Variants in WSCD2 observed in about 807,000 individuals in gnomAD.
The protein encoded by WSCD2 is sialate:O-sulfotransferase 2.
In WSCD2, 28 loss-of-function variants were observed where a neutral mutation model predicts 55.7. The ratio of observed to expected loss-of-function variants is 0.50; its 90% CI spans 0.37 to 0.69. The LOEUF (loss-of-function observed/expected upper bound fraction) is 0.69. WSCD2 is among the 30% of genes least tolerant of loss of function. The pLI is 0.00. For synonymous variants in WSCD2, 301 were observed against 301.9 expected, an observed-to-expected ratio of 1.00 and a Z score of 0.03; for missense variants, 616 against 762.1, an observed-to-expected ratio of 0.81 and a Z score of 2.26.
At chr12:108,136,701 C>T (rs1876261282) in intron 1 of WSCD2, among the ~76,000 whole-genome samples, 1 of 152,134 alleles carries the variant, frequency 6.6e-6, no homozygotes, top group Non-Finnish European at 1.5e-5. Flanking sequence ...TGGCAGAGCC[C>T]ACGTCTCTCT....
chr12:108,220,874 ATCAT>A (rs1887437354), intron 4 of WSCD2, among the ~76,000 whole-genome samples: 1 of 152,134 alleles, frequency 6.6e-6, no homozygotes, highest in South Asian at 2.1e-4. Flanking sequence ...TCATAATAGT[ATCAT>A]TATTATTGGA....
chr12:108,213,873 T>A (rs1209883034), intron 4 of WSCD2, among the ~76,000 whole-genome samples: 4 of 152,160 alleles, frequency 2.6e-5, no homozygotes, highest in Non-Finnish European at 4.4e-5. Flanking sequence ...ATCTCTCTTT[T>A]AGGGGAGCTC....
intron 4 of WSCD2, among the ~76,000 whole-genome samples, chr12:108,212,081 G>C (rs1326703797): frequency 6.6e-6 from 1 of 152,124 alleles, no homozygotes; most frequent in Non-Finnish European, 1.5e-5. Context: ...CCTCCCCATA[G>C]TCACATCAGT....
chr12:108,166,761 T>TTTTCTTTCTTTC (rs1555225180), intron 1 of WSCD2, among the ~76,000 whole-genome samples: 1 of 124,820 alleles, frequency 8.0e-6, no homozygotes, highest in Admixed American at 8.8e-5. Context: ...TCTTTCTTTC[T>TTTTCTTTCTTTC]TTTCTTTCTT....
At chr12:108,155,349 T>C (rs1007600976) in intron 1 of WSCD2, among the ~76,000 whole-genome samples, 1 of 152,184 alleles carries the variant, frequency 6.6e-6, no homozygotes, top group Non-Finnish European at 1.5e-5. Flanking sequence ...GCTAGTACCA[T>C]ATGCATACAC....
chr12:108,230,561 C>T (rs1235857580), intron 6 of WSCD2, among the ~76,000 whole-genome samples: 1 of 152,104 alleles, frequency 6.6e-6, no homozygotes. Context: ...TCATTTTTTT[C>T]CTATGTCACC....
In WSCD2 at chr12:108,195,673, C is replaced by T; in HGVS notation, c.-160C>T. 2.0e-6 allele frequency: 2 copies of T among 1,003,184 alleles called. No homozygotes were observed. Among genetic ancestry groups the T allele is most frequent in the Non-Finnish European group, 2.8e-6 (2 of 704,076 alleles). 62.1% of individuals were successfully genotyped at this position (1,003,184 alleles called of 1,614,324 possible). ...TGGCCTCAGCCAAGCATTGAACTTG[C>T]CCTCCCCTTCTGGCCTTGGTGATCA... On this transcript the variant is annotated 5_prime_UTR_variant, in exon 2 of 9. Transcript: ENST00000547525.
chr12:108,239,100 G>A lies in WSCD2; in HGVS notation c.1145-1244G>A, dbSNP rs374412075. ...CTTAAATCCTCTTAAGGGTTCTCCAGTCTTTCTGGTCTAGTGCTGGCCTCT... is the reference window on the plus strand; with the variant it reads ...CTTAAATCCTCTTAAGGGTTCTCCAATCTTTCTGGTCTAGTGCTGGCCTCT... On this transcript the variant is annotated intron_variant, in intron 7 of 8. Coordinates refer to ENST00000547525, the MANE Select transcript of WSCD2 (RefSeq NM_014653.4). Among the ~76,000 whole-genome samples, 5 of 152,238 alleles carry A rather than the reference G, an allele frequency of 3.3e-5. No individual in the cohort carries two copies. In the East Asian group the frequency reaches 7.7e-4, roughly 23 times the overall value.
chr12:108,133,586 C>T (rs902646380), intron 1 of WSCD2, among the ~76,000 whole-genome samples: 2 of 152,198 alleles, frequency 1.3e-5, no homozygotes, highest in Non-Finnish European at 2.9e-5. Flanking sequence ...TAAGATCACT[C>T]TTCTCCCTGC....
chr12:108,154,038 G>A (rs1011413452), intron 1 of WSCD2, among the ~76,000 whole-genome samples: 1 of 152,180 alleles, frequency 6.6e-6, no homozygotes, highest in African/African-American at 2.4e-5. Flanking sequence ...TTAAGTTGAA[G>A]GTATTTCTGT....
At chr12:108,243,085 G>A (rs1054938055) in intron 8 of WSCD2, among the ~76,000 whole-genome samples, 11 of 152,194 alleles carry the variant, frequency 7.2e-5, no homozygotes, top group Non-Finnish European at 1.5e-4. Flanking sequence ...TCACCATCTG[G>A]CCCCTGGAGA....
Position 108,248,215 on chromosome 12 carries a change from C to T in WSCD2, c.1570C>T (p.Arg524Trp), listed in dbSNP as rs374705143. 1.2e-6 allele frequency: 2 copies of T among 1,614,186 alleles called. No homozygotes were observed. Among genetic ancestry groups the T allele is most frequent in the Non-Finnish European group, 1.7e-6 (2 of 1,180,040 alleles). The change falls in exon 9 of 9, where the codon CGG (arginine) becomes TGG (tryptophan). Residue 524 changes from arginine (R) to tryptophan (W), a missense_variant. By Grantham distance (101) the Arg-to-Trp change is moderately radical. This residue lies in a region of WSCD2 where 234 missense variants were observed against 264.6 expected (regional missense o/e 0.88). Coordinates refer to ENST00000547525, the MANE Select transcript of WSCD2 (RefSeq NM_014653.4). This position sits in a 1 kb window ranked among gnomAD's most constrained non-coding sequence, Gnocchi z 4.3. ...TGGCAACTTCAAGCGCTCAGGGCTC[C>T]GGAAGCTCGAGTATGACCCCTATAC... is the stretch of plus-strand genomic sequence containing the variant. Reference protein sequence around the residue: ...KDGNFKRSGLRKLEYDPYTAD... With the variant: ...KDGNFKRSGLWKLEYDPYTAD...
intron 3 of WSCD2, among the ~76,000 whole-genome samples, chr12:108,208,790 T>C (rs1885762258): frequency 2.0e-5 from 3 of 152,190 alleles, no homozygotes; most frequent in Admixed American, 6.5e-5. Context: ...TGGTCTACAT[T>C]CATTCTATGA....
chr12:108,130,342 G>A (rs76230812), intron 1 of WSCD2, among the ~76,000 whole-genome samples: 1,694 of 152,322 alleles, frequency 0.011, 33 homozygotes, highest in African/African-American at 0.039. Flanking sequence ...TTCCAAGTTG[G>A]CTGTAGAAGA....
At chr12:108,158,957 T>C (rs1340805619) in intron 1 of WSCD2, among the ~76,000 whole-genome samples, 1 of 152,184 alleles carries the variant, frequency 6.6e-6, no homozygotes. Context: ...AAGCCATCTG[T>C]CTTTTGCCTG....
intron 1 of WSCD2, among the ~76,000 whole-genome samples, chr12:108,156,405 A>C (rs1209347469): frequency 6.6e-6 from 1 of 152,230 alleles, no homozygotes; most frequent in Non-Finnish European, 1.5e-5. Flanking sequence ...ACTTTCTAAA[A>C]GAATATCCAT....
chr12:108,244,899 T>G (rs1313039396), intron 8 of WSCD2, among the ~76,000 whole-genome samples: 4 of 152,034 alleles, frequency 2.6e-5, no homozygotes, highest in Non-Finnish European at 5.9e-5. Context: ...AGTGCAGGTT[T>G]CTTAATATAT....
chr12:108,149,558 G>A (rs146304070), intron 1 of WSCD2, among the ~76,000 whole-genome samples: 2 of 152,282 alleles, frequency 1.3e-5, no homozygotes, highest in East Asian at 3.9e-4. Flanking sequence ...GGAAGCTGAG[G>A]CTGAGCCTTC....
chr12:108,188,634 G>A (rs1162373332), intron 1 of WSCD2, among the ~76,000 whole-genome samples: 1 of 151,982 alleles, frequency 6.6e-6, no homozygotes, highest in African/African-American at 2.4e-5. Flanking sequence ...TTGCCAAATG[G>A]CTGGTCCACC....
Sources: allele counts gnomAD v4.1 joint callset (sites outside exome capture counted in the v4.1 genomes callset), GRCh38; gene constraint gnomAD v4.1.1; regional missense constraint gnomAD v4.1.1; non-coding constraint Gnocchi (gnomAD v3.1); transcripts MANE v1.5; gene names NCBI Gene and HGNC (gene_info 2026-07-23, HGNC 2026-07-21).